The following EFR3A variants were observed in gnomAD, a reference collection of about 807,000 sequenced individuals.
EFR3A encodes protein EFR3 homolog A.
Under a neutral mutation model 104.4 loss-of-function variants are expected in EFR3A, and 76 were observed. The ratio of observed to expected loss-of-function variants is 0.73; its 90% CI spans 0.60 to 0.88. EFR3A has a LOEUF of 0.88. Ranked by LOEUF, EFR3A falls within the 40% of genes least tolerant of loss-of-function variation. EFR3A has a pLI of 0.00. For synonymous variants in EFR3A, 330 were observed against 330.0 expected, an observed-to-expected ratio of 1.00 and a Z score of 0.00; for missense variants, 985 against 1,012.5, an observed-to-expected ratio of 0.97 and a Z score of 0.37.
Position 131,963,924 on chromosome 8 carries a change from A to G in EFR3A, c.855+4261A>G, listed in dbSNP as rs1439806288. Among the ~76,000 whole-genome samples, 5 of 152,186 alleles carry G rather than the reference A, an allele frequency of 3.3e-5. No individual in the cohort carries two copies. In the South Asian group the frequency reaches 1.0e-3, roughly 32 times the overall value. On this transcript the variant is annotated intron_variant, in intron 8 of 22. Transcript: ENST00000254624. Reference sequence around the variant, plus strand: ...ATGCAAGGCTGGTTCAACATACGCAAATCGATAAATGTAATCCAGCATATA... The same window carrying G: ...ATGCAAGGCTGGTTCAACATACGCAGATCGATAAATGTAATCCAGCATATA...
At chr8:131,932,555 C>G (rs1817661757) in intron 1 of EFR3A, among the ~76,000 whole-genome samples, 1 of 152,086 alleles carries the variant, frequency 6.6e-6, no homozygotes, top group Admixed American at 6.6e-5. Context: ...ACCAGAAACA[C>G]AGATCTCAGT....
At chr8:131,960,788 A>G (rs560954629) in intron 8 of EFR3A, among the ~76,000 whole-genome samples, 1 of 152,312 alleles carries the variant, frequency 6.6e-6, no homozygotes, top group South Asian at 2.1e-4. Context: ...TTTGTGCTAA[A>G]TTTATTTCTT....
intron 1 of EFR3A, among the ~76,000 whole-genome samples, chr8:131,930,151 A>T (rs887588948): frequency 3.3e-5 from 5 of 152,132 alleles, no homozygotes; most frequent in Non-Finnish European, 7.4e-5. Context: ...GAAACTCTTA[A>T]GAGTTTGTTT....
chr8:132,008,605 G>C (rs973180923), intron 22 of EFR3A, among the ~76,000 whole-genome samples: 1 of 151,804 alleles, frequency 6.6e-6, no homozygotes, highest in Non-Finnish European at 1.5e-5. Flanking sequence ...GACCATTTAC[G>C]TGAAGTTTAA....
chr8:131,924,082 T>C (rs1817182990), intron 1 of EFR3A: 1 of 438,042 alleles, frequency 2.3e-6, no homozygotes, highest in African/African-American at 2.0e-5. Flanking sequence ...GTTTAGATAT[T>C]TCTTAGGTCA....
intron 1 of EFR3A, among the ~76,000 whole-genome samples, chr8:131,909,284 C>T (rs1054733838): frequency 6.6e-6 from 1 of 152,182 alleles, no homozygotes; most frequent in Non-Finnish European, 1.5e-5. Flanking sequence ...GGTGCAGTGG[C>T]TCACATCTGT....
chr8:131,908,791 A>G (rs748236256), intron 1 of EFR3A, among the ~76,000 whole-genome samples: 1 of 152,220 alleles, frequency 6.6e-6, no homozygotes, highest in Non-Finnish European at 1.5e-5. Context: ...GTGCCTGGTT[A>G]TATAATAGGT....
chr8:131,929,859 A>G (rs1454499762), intron 1 of EFR3A, among the ~76,000 whole-genome samples: 1 of 152,134 alleles, frequency 6.6e-6, no homozygotes, highest in African/African-American at 2.4e-5. Context: ...AAGTCAAAAT[A>G]CCAGTTTTAC....
chr8:131,985,084 A>G, intron 16 of EFR3A, 24 bp downstream of exon 16: 1 of 1,584,150 alleles, frequency 6.3e-7, no homozygotes, highest in Non-Finnish European at 8.6e-7. Flanking sequence ...AAAAGTCCTT[A>G]AACTTGAATT....
At chr8:131,956,836 T>G (rs773806588) in intron 7 of EFR3A, among the ~76,000 whole-genome samples, 3 of 152,194 alleles carry the variant, frequency 2.0e-5, no homozygotes, top group Non-Finnish European at 4.4e-5. Context: ...CCTAAGCTTA[T>G]GGAAATGCTA....
intron 14 of EFR3A, among the ~76,000 whole-genome samples, chr8:131,980,354 A>T (rs928839737): frequency 2.6e-5 from 4 of 152,082 alleles, no homozygotes; most frequent in African/African-American, 9.7e-5. Flanking sequence ...ACTCTTCCTA[A>T]ATTAATGTGA....
At chr8:131,953,444 A>G (rs759248619) in intron 5 of EFR3A, among the ~76,000 whole-genome samples, 16 of 152,166 alleles carry the variant, frequency 1.1e-4, no homozygotes, top group Non-Finnish European at 2.4e-4. Context: ...AAGGGTGTTC[A>G]GAACAGTGAA....
chr8:131,984,488 G>A (rs1820776056), intron 15 of EFR3A, among the ~76,000 whole-genome samples, 188 bp downstream of exon 15: 1 of 152,114 alleles, frequency 6.6e-6, no homozygotes, highest in South Asian at 2.1e-4. Context: ...GCATCAACTG[G>A]TGTGCTAAAT....
At chr8:131,954,531 A>T (rs766658232) in intron 6 of EFR3A, among the ~76,000 whole-genome samples, 7 of 151,668 alleles carry the variant, frequency 4.6e-5, no homozygotes, top group Non-Finnish European at 1.0e-4. Flanking sequence ...TTGCAGTTAG[A>T]ATTCTGTACT....
At chr8:132,008,348 T>A (rs1459271443) in intron 22 of EFR3A, among the ~76,000 whole-genome samples, 7 of 152,104 alleles carry the variant, frequency 4.6e-5, no homozygotes, top group African/African-American at 7.2e-5. Flanking sequence ...GATACCATTT[T>A]GTGCCCAATA....
At chr8:131,990,790 T>C (rs1444544690) in intron 18 of EFR3A, among the ~76,000 whole-genome samples, 1 of 151,854 alleles carries the variant, frequency 6.6e-6, no homozygotes, top group Non-Finnish European at 1.5e-5. Context: ...TCTAGAAAAA[T>C]TTATGAGAGA....
rs549634834 is a variant in EFR3A, at chr8:131,942,833, A to G, written c.88-1912A>G. On this transcript the variant is annotated intron_variant, in intron 2 of 22. Transcript: ENST00000254624. ...CCAGGTGAACTGGAGAAGGGTTCCT[A>G]GGCAAAGAGATGAGTTGAGTGAAAG... Among the ~76,000 whole-genome samples, 278 of 152,194 alleles carry G rather than the reference A, an allele frequency of 1.8e-3. 2 individuals are homozygous for G. The highest frequency in any genetic ancestry group is 6.5e-3 in the African/African-American group (269 of 41,546).
At chr8:132,010,449 T>TATATATATATATAA (rs1326843233) in intron 22 of EFR3A, among the ~76,000 whole-genome samples, 2 of 128,402 alleles carry the variant, frequency 1.6e-5, no homozygotes, top group African/African-American at 2.9e-5. Context: ...TATATATATA[T>TATATATATATATAA]AATGAAATAC....
At chr8:131,928,833 C>G (rs61182620) in intron 1 of EFR3A, among the ~76,000 whole-genome samples, 1,964 of 151,976 alleles carry the variant, frequency 0.013, 43 homozygotes, top group African/African-American at 0.045. Context: ...TATCTTATCT[C>G]TATAATTGGT....
Sources: gnomAD v4.1 joint callset for allele counts (sites outside exome capture counted in the v4.1 genomes callset) on GRCh38, gnomAD v4.1.1 for gene constraint, MANE v1.5 for transcripts, NCBI Gene and HGNC (gene_info 2026-07-23, HGNC 2026-07-21) for gene names.